Variants in TOP2B observed in about 807,000 individuals in gnomAD.
TOP2B encodes the protein DNA topoisomerase 2-beta.
A neutral mutation model predicts 193.5 loss-of-function variants in TOP2B; 51 were observed. The observed-to-expected ratio is 0.26, with a 90% confidence interval of 0.21 to 0.33. The LOEUF (loss-of-function observed/expected upper bound fraction) is 0.33, where lower values mean the gene tolerates loss of function less well. Among genes scored for constraint, TOP2B ranks in the 10% least tolerant of loss-of-function variants. The pLI, the probability that TOP2B is intolerant of heterozygous loss-of-function variation, is 1.00. For missense variants in TOP2B, 1,378 were observed against 1,909.3 expected (o/e 0.72, Z 5.19); for synonymous variants, 634 against 635.7 (o/e 1.00, Z 0.04).
At chr3:25,636,192 T>C (rs1703100700) in intron 6 of TOP2B, 44 bp from the exon 7 acceptor site, 1 of 1,227,006 alleles carries the variant, frequency 8.1e-7, no homozygotes, top group Non-Finnish European at 1.1e-6. Context: ...TGCTTCCATA[T>C]CTCATAATAT....
intron 2 of TOP2B, among the ~76,000 whole-genome samples, chr3:25,644,668 T>C (rs1575583156): frequency 9.5e-6 from 1 of 104,792 alleles, no homozygotes; most frequent in Admixed American, 1.3e-4. Context: ...ACTACTACAC[T>C]CCAGCCTGGG....
At chr3:25,660,289 T>C (rs182210978) in intron 1 of TOP2B, among the ~76,000 whole-genome samples, 1 of 152,214 alleles carries the variant, frequency 6.6e-6, no homozygotes, top group Non-Finnish European at 1.5e-5. Flanking sequence ...CGTATCCAGT[T>C]CTTTGTTTAA....
In TOP2B at chr3:25,645,375, A is replaced by G; in HGVS notation, c.165T>C (p.Tyr55=). ...TGTGTTCAAGTTGTGTCTTCTTCTG[A>G]TACACTCTCTCAACAGACAACTTCT... is the stretch of plus-strand genomic sequence containing the variant. ...SSKKLSVERV[Y]QKKTQLEHIL... The change falls in exon 2 of 36, where the codon TAT becomes TAC. Residue 55 remains tyrosine (Y), a synonymous_variant. Transcript: ENST00000264331. The G allele has an allele frequency of 1.2e-6, 2 of 1,613,644 alleles. No individual in the cohort carries two copies. Among genetic ancestry groups the G allele is most frequent in the Non-Finnish European group, 1.7e-6 (2 of 1,179,752 alleles).
At position 25,601,218 on chromosome 3, in the gene TOP2B, C is replaced by T. The variant is rs557860223; in HGVS notation, c.4497G>A (p.Pro1499=). ...TGGGCTTAGGGACTGTATCTGAAGA[C>T]GGTTTTCCTAGTAAGCAAATTTCCA... ...SKTVAAKKGK[P]SSDTVPKPKR... Residue 1499 remains proline, a synonymous_variant, in exon 34 of 36, where the codon CCG becomes CCA. Coordinates refer to ENST00000264331, the MANE Select transcript of TOP2B (RefSeq NM_001330700.2). 192 of 1,612,158 alleles carry T rather than the reference C, an allele frequency of 1.2e-4. 1 individual carries two copies. The highest frequency in any genetic ancestry group is 3.5e-4 in the Admixed American group (21 of 59,650).
At chr3:25,650,988 C>CG (rs1703570656) in intron 1 of TOP2B, among the ~76,000 whole-genome samples, 1 of 151,938 alleles carries the variant, frequency 6.6e-6, no homozygotes. Context: ...TTCTTAGTAC[C>CG]GCAAACTAGA....
At position 25,638,184 on chromosome 3, in the gene TOP2B, A is replaced by G. The variant is rs61756258; in HGVS notation, c.522T>C (p.Asp174=). 3 of 1,569,466 alleles carry G rather than the reference A, an allele frequency of 1.9e-6. No homozygotes were observed. The highest frequency in any genetic ancestry group is 2.6e-6 in the Non-Finnish European group (3 of 1,155,846). ...GQLLTSSNYD[D]DEKKVTGGRN... Reference sequence around the variant, plus strand: ...CTTTACCTGTAACTTTTTTCTCATCATCATCATAGTTACTGGATGTTAAAA... The same window carrying G: ...CTTTACCTGTAACTTTTTTCTCATCGTCATCATAGTTACTGGATGTTAAAA... The change falls in exon 5 of 36, where the codon GAT becomes GAC. Residue 174 remains aspartate, a synonymous_variant. Coordinates refer to ENST00000264331, the MANE Select transcript of TOP2B (RefSeq NM_001330700.2).
chr3:25,627,044 C>A (rs1702819829), intron 16 of TOP2B, 143 bp downstream of exon 16: 1 of 705,022 alleles, frequency 1.4e-6, no homozygotes, highest in Non-Finnish European at 2.4e-6. Context: ...TTTATACAAG[C>A]ACAGCATCAT....
rs1689987769 is a variant in TOP2B, at chr3:25,664,699, G to A, written c.-402C>T. On this transcript the variant is annotated 5_prime_UTR_variant, in exon 1 of 36. Transcript: ENST00000264331. ...CGCTCGGACGTGGCGAGGACGCAGA[G>A]GTGCCTTGTCCTTCTCACACTCCGC... 2 of 985,180 alleles carry A rather than the reference G, an allele frequency of 2.0e-6. No homozygotes were observed. The highest frequency in any genetic ancestry group is 2.4e-6 in the Non-Finnish European group (2 of 829,830). 61.0% of individuals were successfully genotyped at this position (985,180 alleles called of 1,614,324 possible).
intron 1 of TOP2B, among the ~76,000 whole-genome samples, chr3:25,645,723 T>C (rs1369695905): frequency 6.6e-6 from 1 of 152,108 alleles, no homozygotes; most frequent in African/African-American, 2.4e-5. Context: ...AATCCAAAAA[T>C]ACAAACATTT....
At chr3:25,651,176 ATATAG>A (rs750133208) in intron 1 of TOP2B, among the ~76,000 whole-genome samples, 1 of 152,156 alleles carries the variant, frequency 6.6e-6, no homozygotes, top group South Asian at 2.1e-4. Context: ...GATCACTTAA[ATATAG>A]TATAGAATTT....
intron 1 of TOP2B, among the ~76,000 whole-genome samples, chr3:25,661,816 T>C (rs1703921678): frequency 6.6e-6 from 1 of 152,220 alleles, no homozygotes; most frequent in Admixed American, 6.5e-5. Context: ...CATGCTGGCA[T>C]GCATCCCAAC....
intron 35 of TOP2B, among the ~76,000 whole-genome samples, chr3:25,599,140 A>AAAAAT (rs1423151089): frequency 6.6e-6 from 1 of 152,218 alleles, no homozygotes; most frequent in Non-Finnish European, 1.5e-5. Flanking sequence ...CTTTAGTCTG[A>AAAAAT]AAAATAATAT....
At position 25,609,354 on chromosome 3, in the gene TOP2B, A is replaced by C; in HGVS notation, c.3932-10T>G. The C allele has an allele frequency of 1.3e-6, 2 of 1,578,178 alleles. No homozygotes were observed. The highest frequency in any genetic ancestry group is 1.7e-6 in the Non-Finnish European group (2 of 1,160,004). ...TTTCTCACTCTGGTACCTAAAGCAAAAGAATAGCAATAAGGTATGTATCCA... is the reference window on the plus strand; with the variant it reads ...TTTCTCACTCTGGTACCTAAAGCAACAGAATAGCAATAAGGTATGTATCCA... On this transcript the variant is annotated splice_polypyrimidine_tract_variant and intron_variant, in intron 29 of 35. Coordinates refer to ENST00000264331, the MANE Select transcript of TOP2B (RefSeq NM_001330700.2).
At position 25,664,651 on chromosome 3, in the gene TOP2B, G is replaced by A; in HGVS notation, c.-354C>T. ...GCTGAAGCCCGGGCGTGCGAGCCGC[G>A]AGGGCGGCCGGGGAGCCCGAGGCGC... is the stretch of plus-strand genomic sequence containing the variant. On this transcript the variant is annotated 5_prime_UTR_variant, in exon 1 of 36. Coordinates refer to ENST00000264331, the MANE Select transcript of TOP2B (RefSeq NM_001330700.2). 2.0e-6 allele frequency: 2 copies of A among 984,536 alleles called. No homozygotes were observed. The highest frequency in any genetic ancestry group is 2.4e-6 in the Non-Finnish European group (2 of 829,658). The allele number at this position is 984,536 out of a possible 1,614,324, so 61.0% of individuals were successfully genotyped here. A position where few individuals can be genotyped will look rare whatever the true frequency, so the allele number is the denominator to read the frequency against.
intron 25 of TOP2B, 184 bp downstream of exon 25, chr3:25,618,234 T>G: frequency 1.8e-6 from 1 of 552,814 alleles, no homozygotes. Context: ...TGCTTTGTGG[T>G]GGGTGTGTAC....
At position 25,630,140 on chromosome 3, in the gene TOP2B, A is replaced by G; in HGVS notation, c.1578T>C (p.Ala526=). The part of the protein sequence containing the change: ...EASHKQIMEN[A]EINNIIKIVG... ...CTATTTTAATAATATTATTTATTTC[A>G]GCATTTTCCATGATCTGTTCAAAAA... Residue 526 remains alanine (A), a synonymous_variant, in exon 13 of 36, where the codon GCT becomes GCC. Transcript: ENST00000264331. 6.4e-7 allele frequency: 1 copy of G among 1,553,700 alleles called. No homozygotes were observed. The highest frequency in any genetic ancestry group is 8.7e-7 in the Non-Finnish European group (1 of 1,149,824).
At chr3:25,629,590 C>A (rs1172981521) in intron 13 of TOP2B, among the ~76,000 whole-genome samples, 3 of 152,078 alleles carry the variant, frequency 2.0e-5, no homozygotes, top group Admixed American at 2.0e-4. Context: ...TCTACAAATA[C>A]TTTAGAGTGC....
chr3:25,606,127 TAGAA>T lies in TOP2B; in HGVS notation c.4299-9_4299-6del, dbSNP rs1391879938. On this transcript the variant is annotated splice_region_variant and splice_polypyrimidine_tract_variant and intron_variant, in intron 31 of 35. Transcript: ENST00000264331. ...TTTTTGTCATGCAAAGATTTTCTAT[TAGAA>T]AGAAAATAAACACCACAGAGGATAC... 2.8e-6 allele frequency: 4 copies of T among 1,433,350 alleles called. No homozygotes were observed. Among genetic ancestry groups the T allele is most frequent in the Admixed American group, 2.1e-5 (1 of 47,090 alleles). 88.8% of individuals were successfully genotyped at this position (1,433,350 alleles called of 1,614,324 possible). A position where few individuals can be genotyped will look rare whatever the true frequency, so the allele number is the denominator to read the frequency against.
chr3:25,628,680 T>C (rs1179689384), intron 15 of TOP2B, among the ~76,000 whole-genome samples, 167 bp downstream of exon 15: 1 of 152,152 alleles, frequency 6.6e-6, no homozygotes, highest in African/African-American at 2.4e-5. Flanking sequence ...CAATGAAATC[T>C]ATTACACTAT....
Sources: gnomAD v4.1 joint callset for allele counts (sites outside exome capture counted in the v4.1 genomes callset) on GRCh38, gnomAD v4.1.1 for gene constraint, MANE v1.5 for transcripts, NCBI Gene and HGNC (gene_info 2026-07-23, HGNC 2026-07-21) for gene names.